Variants in ADARB2 observed in about 807,000 individuals in gnomAD.
ADARB2 encodes the protein adenosine deaminase RNA specific B2 (inactive), also known as inactive double-stranded RNA-specific editase B2.
A neutral mutation model predicts 62.2 loss-of-function variants in ADARB2; 25 were observed. The ratio of observed to expected loss-of-function variants is 0.40; its 90% confidence interval spans 0.29 to 0.56. ADARB2 has a LOEUF of 0.56. ADARB2 is among the 20% of genes least tolerant of loss of function. The pLI, the probability that ADARB2 is intolerant of heterozygous loss-of-function variation, is 0.43. For missense variants in ADARB2, 1,071 were observed against 1,077.4 expected (o/e 0.99, Z 0.08); for synonymous variants, 572 against 500.8 (o/e 1.14, Z -1.90).
At chr10:1,221,229 G>C (rs567523524) in intron 6 of ADARB2, among the ~76,000 whole-genome samples, 3 of 152,068 alleles carry the variant, frequency 2.0e-5, no homozygotes, top group African/African-American at 2.4e-5. Context: ...CCTGACTGCT[G>C]TGTCTACATA....
chr10:1,665,750 C>A (rs1834308432), intron 1 of ADARB2, among the ~76,000 whole-genome samples: 1 of 152,212 alleles, frequency 6.6e-6, no homozygotes, highest in African/African-American at 2.4e-5. Flanking sequence ...GGGCATTTCT[C>A]TGGGAAGCCC....
At position 1,608,700 on chromosome 10, in the gene ADARB2, A is replaced by G. The variant is rs190829707; in HGVS notation, c.100+128351T>C. Among the ~76,000 whole-genome samples the G allele has an allele frequency of 2.7e-5, 4 of 150,478 alleles. No individual in the cohort carries two copies. The East Asian group carries it at 7.8e-4, about 29-fold the overall frequency. On this transcript the variant is annotated intron_variant, in intron 1 of 9. Coordinates refer to ENST00000381312, the MANE Select transcript of ADARB2 (RefSeq NM_018702.4). Reference sequence around the variant, plus strand: ...TGGAAGGAGGAGGAAAAAGTAAGAAAGAAAAAGGAAGGAAGGAAAGAAAAA... The same window carrying G: ...TGGAAGGAGGAGGAAAAAGTAAGAAGGAAAAAGGAAGGAAGGAAAGAAAAA...
chr10:1,334,290 G>A (rs1008622874), intron 3 of ADARB2, among the ~76,000 whole-genome samples: 1 of 152,156 alleles, frequency 6.6e-6, no homozygotes, highest in Non-Finnish European at 1.5e-5. Context: ...GCTTTTGGTC[G>A]AATACATTTG....
intron 3 of ADARB2, among the ~76,000 whole-genome samples, chr10:1,288,652 A>G (rs1443634651): frequency 6.6e-6 from 1 of 152,210 alleles, no homozygotes; most frequent in African/African-American, 2.4e-5. Flanking sequence ...ATGAGCCTGC[A>G]GGTAGGAGGC....
chr10:1,610,839 CA>C, intron 1 of ADARB2, among the ~76,000 whole-genome samples: 1 of 151,940 alleles, frequency 6.6e-6, no homozygotes, highest in Middle Eastern at 3.2e-3. Context: ...CATGCACACA[CA>C]AAGACTCGCA....
At chr10:1,372,936 G>C (rs1041243243) in intron 2 of ADARB2, among the ~76,000 whole-genome samples, 1 of 152,052 alleles carries the variant, frequency 6.6e-6, no homozygotes. Context: ...ATCTAACCAA[G>C]GAGATGAAAG....
chr10:1,706,698 T>C (rs1283336764), intron 1 of ADARB2, among the ~76,000 whole-genome samples: 1 of 152,192 alleles, frequency 6.6e-6, no homozygotes, highest in Non-Finnish European at 1.5e-5. Context: ...AGAAGCCTGG[T>C]TTCTCAGGTA....
At chr10:1,266,034 C>T (rs35755887) in intron 4 of ADARB2, among the ~76,000 whole-genome samples, 23,107 of 92,266 alleles carry the variant, frequency 0.25, 3,912 homozygotes, top group South Asian at 0.38. Flanking sequence ...GCCCAGGGTC[C>T]CCCGGAAGAC....
intron 1 of ADARB2, among the ~76,000 whole-genome samples, chr10:1,423,251 T>C (rs1467816339): frequency 6.6e-6 from 1 of 152,190 alleles, no homozygotes; most frequent in African/African-American, 2.4e-5. Flanking sequence ...CTTACACCCT[T>C]GGCCCCCTCC....
intron 1 of ADARB2, among the ~76,000 whole-genome samples, chr10:1,380,583 C>T (rs1057506074): frequency 6.6e-6 from 1 of 152,198 alleles, no homozygotes; most frequent in Non-Finnish European, 1.5e-5. Flanking sequence ...AGCCTGTTTT[C>T]TCCTTAGCCA....
chr10:1,712,372 C>T (rs1474607087), intron 1 of ADARB2, among the ~76,000 whole-genome samples: 1 of 152,038 alleles, frequency 6.6e-6, no homozygotes, highest in Admixed American at 6.5e-5. Flanking sequence ...TACCTGGTTT[C>T]ATGGCCTCAG....
chr10:1,561,840 G>A (rs1349636358), intron 1 of ADARB2, among the ~76,000 whole-genome samples: 2 of 152,118 alleles, frequency 1.3e-5, no homozygotes, highest in African/African-American at 2.4e-5. Context: ...CCGCTCCCTC[G>A]GCAGCCACTT....
chr10:1,396,913 G>C (rs560953876), intron 1 of ADARB2, among the ~76,000 whole-genome samples: 10 of 124,810 alleles, frequency 8.0e-5, no homozygotes, highest in African/African-American at 3.0e-4. Context: ...CTCCCCTCCC[G>C]AGTGCAGGCT....
At chr10:1,668,843 C>G (rs910916532) in intron 1 of ADARB2, among the ~76,000 whole-genome samples, 4 of 152,240 alleles carry the variant, frequency 2.6e-5, no homozygotes, top group Admixed American at 6.5e-5. Context: ...TTGTGCTGCT[C>G]ACAGGCTGCT....
intron 3 of ADARB2, among the ~76,000 whole-genome samples, chr10:1,289,656 G>A (rs900530630): frequency 2.0e-5 from 3 of 152,246 alleles, no homozygotes; most frequent in East Asian, 1.9e-4. Context: ...CACTGGCTCC[G>A]TGGCCAGGAC....
At chr10:1,528,795 A>G (rs1832181649) in intron 1 of ADARB2, among the ~76,000 whole-genome samples, 1 of 152,186 alleles carries the variant, frequency 6.6e-6, no homozygotes, top group Admixed American at 6.5e-5. Context: ...CTGAGAGGGA[A>G]GTGGATTCTG....
chr10:1,597,333 A>G (rs562055608), intron 1 of ADARB2, among the ~76,000 whole-genome samples: 4 of 152,320 alleles, frequency 2.6e-5, no homozygotes, highest in East Asian at 1.9e-4. Context: ...GAGTAAACAG[A>G]CAACCTACAG....
At chr10:1,690,627 C>A (rs1021416784) in intron 1 of ADARB2, among the ~76,000 whole-genome samples, 1 of 152,130 alleles carries the variant, frequency 6.6e-6, no homozygotes, top group Admixed American at 6.5e-5. Flanking sequence ...GGAAGGCAGC[C>A]CCTGCTCTCC....
intron 1 of ADARB2, among the ~76,000 whole-genome samples, chr10:1,644,354 A>G (rs893120826): frequency 2.0e-5 from 3 of 152,256 alleles, no homozygotes; most frequent in Non-Finnish European, 2.9e-5. Context: ...TCTTTCTTAC[A>G]GAAGAAAATT....
Sources: allele counts gnomAD v4.1 joint callset (sites outside exome capture counted in the v4.1 genomes callset), GRCh38; gene constraint gnomAD v4.1.1; transcripts MANE v1.5; gene names NCBI Gene and HGNC (gene_info 2026-07-23, HGNC 2026-07-21).